Variants in COL4A2 observed in about 807,000 individuals in gnomAD.
The protein encoded by COL4A2 is collagen alpha-2(IV) chain.
A neutral mutation model predicts 200.2 loss-of-function variants in COL4A2; 99 were observed. That is an observed-to-expected ratio of 0.49 (90% CI 0.42 to 0.58). The LOEUF is 0.58. Ranked by LOEUF, COL4A2 falls within the 20% of genes least tolerant of loss-of-function variation. The pLI, the probability that COL4A2 is intolerant of heterozygous loss-of-function variation, is 0.00. For missense variants in COL4A2, 1,950 were observed against 2,314.1 expected (o/e 0.84, Z 3.23); for synonymous variants, 897 against 900.6 (o/e 1.00, Z 0.07).
intron 30 of COL4A2, among the ~76,000 whole-genome samples, chr13:110,479,461 C>CAGGCCAGCGGGGG (rs1346781731): frequency 2.5e-4 from 38 of 152,328 alleles, no homozygotes; most frequent in East Asian, 5.8e-4. Context: ...CCAGCAGAGG[C>CAGGCCAGCGGGGG]AGAATTGCCC....
intron 4 of COL4A2, among the ~76,000 whole-genome samples, chr13:110,413,115 T>C (rs2139442384): frequency 6.6e-6 from 1 of 152,268 alleles, no homozygotes; most frequent in South Asian, 2.1e-4. Flanking sequence ...CTCCACAGCA[T>C]GACCCACTGC....
At chr13:110,350,525 C>A (rs763622690) in intron 3 of COL4A2, among the ~76,000 whole-genome samples, 4 of 152,194 alleles carry the variant, frequency 2.6e-5, no homozygotes, top group Non-Finnish European at 5.9e-5. Context: ...CATCACTTTT[C>A]TAGGACAGAC....
chr13:110,396,197 G>A (rs541153094), intron 4 of COL4A2, among the ~76,000 whole-genome samples: 3 of 152,202 alleles, frequency 2.0e-5, no homozygotes, highest in East Asian at 3.9e-4. Flanking sequence ...TTGTATTAGC[G>A]TGCTGCATTT....
intron 3 of COL4A2, among the ~76,000 whole-genome samples, chr13:110,344,381 G>A (rs1395094460): frequency 2.0e-5 from 3 of 152,098 alleles, no homozygotes; most frequent in Admixed American, 6.5e-5. Context: ...GTTATTTGAC[G>A]ACAACATTGA....
At chr13:110,504,985 A>AC (rs1400682855) in intron 45 of COL4A2, among the ~76,000 whole-genome samples, 2 of 152,000 alleles carry the variant, frequency 1.3e-5, no homozygotes, top group African/African-American at 2.4e-5. Context: ...AAAAAAAAAA[A>AC]CCTCAAAATT....
chr13:110,503,637 C>T (rs974931623), intron 43 of COL4A2, among the ~76,000 whole-genome samples, 156 bp downstream of exon 43: 2 of 152,152 alleles, frequency 1.3e-5, no homozygotes, highest in African/African-American at 4.8e-5. Context: ...CGGATGTTGT[C>T]ACAGGACCTT....
At chr13:110,334,727 A>G (rs1473073455) in intron 3 of COL4A2, among the ~76,000 whole-genome samples, 2 of 152,386 alleles carry the variant, frequency 1.3e-5, no homozygotes, top group Non-Finnish European at 1.5e-5. Context: ...TGCAGCCAGT[A>G]TATAACAATG....
intron 4 of COL4A2, among the ~76,000 whole-genome samples, chr13:110,359,295 T>A (rs1417999238): frequency 1.3e-5 from 2 of 152,252 alleles, no homozygotes; most frequent in Non-Finnish European, 2.9e-5. Flanking sequence ...AAAACTGATA[T>A]CTTTAAAACT....
chr13:110,504,249 C>G lies in COL4A2; in HGVS notation c.4387C>G (p.Pro1463Ala). 6.2e-7 allele frequency: 1 copy of G among 1,613,654 alleles called. No homozygotes were observed. Among genetic ancestry groups the G allele is most frequent in the East Asian group, 2.2e-5 (1 of 44,866 alleles). The part of the protein sequence containing the change: ...GDEGPIGHQG[P>A]IGQEGAPGRP... ...TGAAGGACCCATAGGCCACCAGGGG[C>G]CGATTGGCCAAGAAGGTGAGTGACA... Residue 1463 changes from proline to alanine, a missense_variant, in exon 45 of 48, where the codon CCG becomes GCG. Around this residue, in one of 2 missense-constraint regions of COL4A2, gnomAD observed 1,385 missense variants for 1,720.5 expected, o/e 0.80. Coordinates refer to ENST00000360467, the MANE Select transcript of COL4A2 (RefSeq NM_001846.4).
At chr13:110,358,191 TC>T (rs1315677525) in intron 4 of COL4A2, among the ~76,000 whole-genome samples, 1 of 152,232 alleles carries the variant, frequency 6.6e-6, no homozygotes, top group Non-Finnish European at 1.5e-5. Flanking sequence ...GATGTTTTTT[TC>T]TATTAAAAAA....
At chr13:110,356,770 C>CTT (rs66516455) in intron 3 of COL4A2, among the ~76,000 whole-genome samples, 29 of 136,498 alleles carry the variant, frequency 2.1e-4, no homozygotes, top group Non-Finnish European at 3.3e-4. Context: ...TTTATAGGCA[C>CTT]TTTTTTTTTT....
chr13:110,428,803 TCA>T (rs1456291846), intron 7 of COL4A2, among the ~76,000 whole-genome samples: 1 of 152,268 alleles, frequency 6.6e-6, no homozygotes, highest in Admixed American at 6.5e-5. Context: ...TTGTTCACTC[TCA>T]GTCTCCCAAG....
intron 3 of COL4A2, among the ~76,000 whole-genome samples, chr13:110,347,697 C>A (rs1876770345): frequency 6.6e-6 from 1 of 152,242 alleles, no homozygotes; most frequent in Non-Finnish European, 1.5e-5. Flanking sequence ...TGGAGCCAGT[C>A]CTGCCCGTCA....
At chr13:110,427,811 T>A (rs957755478) in intron 6 of COL4A2, among the ~76,000 whole-genome samples, 1 of 152,236 alleles carries the variant, frequency 6.6e-6, no homozygotes, top group African/African-American at 2.4e-5. Context: ...AAAACCTGAC[T>A]TGCTTTATAT....
chr13:110,308,209 G>A, intron 3 of COL4A2, 86 bp downstream of exon 3: 1 of 1,482,238 alleles, frequency 6.7e-7, no homozygotes, highest in South Asian at 1.1e-5. Flanking sequence ...GCTCGTCCGT[G>A]CGCTCCCGAG....
At chr13:110,418,000 T>C (rs1160735379) in intron 4 of COL4A2, among the ~76,000 whole-genome samples, 1 of 152,162 alleles carries the variant, frequency 6.6e-6, no homozygotes, top group Non-Finnish European at 1.5e-5. Flanking sequence ...TTTGCGTTCC[T>C]GCCGGCAGCC....
At chr13:110,468,003 G>A (rs1882313978) in intron 27 of COL4A2, 1 of 372,500 alleles carries the variant, frequency 2.7e-6, no homozygotes, top group Non-Finnish European at 5.5e-6. Flanking sequence ...CCCCACCTAT[G>A]CAAGATGAAT....
chr13:110,346,150 A>G (rs1420097166), intron 3 of COL4A2, among the ~76,000 whole-genome samples: 3 of 152,192 alleles, frequency 2.0e-5, no homozygotes, highest in African/African-American at 7.2e-5. Flanking sequence ...GGGGTACTGA[A>G]GGAACAGTAT....
At chr13:110,328,018 C>T (rs1284621944) in intron 3 of COL4A2, among the ~76,000 whole-genome samples, 4 of 152,172 alleles carry the variant, frequency 2.6e-5, no homozygotes, top group Non-Finnish European at 1.5e-5. Flanking sequence ...AACTCAAAAT[C>T]ATACACCACA....
Sources: allele counts gnomAD v4.1 joint callset (sites outside exome capture counted in the v4.1 genomes callset), GRCh38; gene constraint gnomAD v4.1.1; regional missense constraint gnomAD v4.1.1; transcripts MANE v1.5; gene names NCBI Gene and HGNC (gene_info 2026-07-23, HGNC 2026-07-21).